Variants in ENAH observed in about 807,000 individuals in gnomAD.
The protein encoded by ENAH is protein enabled homolog.
A neutral mutation model predicts 78.7 loss-of-function variants in ENAH; 23 were observed. The observed-to-expected ratio is 0.29, with a 90% CI of 0.21 to 0.41. The LOEUF is 0.41. ENAH is among the 10% of genes least tolerant of loss of function. The probability of loss-of-function intolerance (pLI) is 1.00; values close to 1 mark genes in which losing one functional copy is unlikely to be tolerated. For synonymous variants in ENAH, 226 were observed against 241.0 expected (o/e 0.94, Z 0.58); for missense variants, 544 against 691.0 (o/e 0.79, Z 2.39).
At chr1:225,627,472 G>A (rs1392506741) in intron 1 of ENAH, among the ~76,000 whole-genome samples, 3 of 152,146 alleles carry the variant, frequency 2.0e-5, no homozygotes, top group Non-Finnish European at 2.9e-5. Flanking sequence ...AATGAGATAA[G>A]GAGAGAACCA....
rs1280015477 is a variant in ENAH at position 225,496,538 on chromosome 1, GTAA to G, written c.*1234_*1236del. 7.2e-5 allele frequency: 11 copies of G among 152,574 alleles called. No homozygotes were observed. Among genetic ancestry groups the G allele is most frequent in the Non-Finnish European group, 1.2e-4 (8 of 68,036 alleles). 9.5% of individuals were successfully genotyped at this position (152,574 alleles called of 1,614,324 possible). ...CCTGTGTAACAGCGGGGGTACCTAG[GTAA>G]TAATAACTGCCAAATTCAGTGATCA... On this transcript the variant is annotated 3_prime_UTR_variant, in exon 14 of 14. Coordinates refer to ENST00000366843, the MANE Select transcript of ENAH (RefSeq NM_018212.6).
chr1:225,610,286 CATT>C (rs1201334551), intron 1 of ENAH, among the ~76,000 whole-genome samples: 7 of 151,870 alleles, frequency 4.6e-5, no homozygotes, highest in African/African-American at 1.7e-4. Flanking sequence ...AATATGTACG[CATT>C]ATTTTGTAAT....
intron 1 of ENAH, among the ~76,000 whole-genome samples, chr1:225,598,383 GA>G (rs561942226): frequency 6.2e-5 from 9 of 145,844 alleles, no homozygotes; most frequent in East Asian, 4.0e-4. Flanking sequence ...CAGAGAGAGT[GA>G]AAAAAAAAGG....
chr1:225,552,134 C>CTTTT (rs397983036), intron 3 of ENAH, among the ~76,000 whole-genome samples: 53 of 115,920 alleles, frequency 4.6e-4, no homozygotes, highest in African/African-American at 6.5e-4. Context: ...ACTCCTGATT[C>CTTTT]TTTTTTTTTT....
chr1:225,620,543 C>T (rs928957228), intron 1 of ENAH, among the ~76,000 whole-genome samples: 1 of 151,586 alleles, frequency 6.6e-6, no homozygotes, highest in African/African-American at 2.4e-5. Flanking sequence ...ATGTCCCAGG[C>T]CTCTAATACA....
chr1:225,650,651 C>T (rs1042154119), intron 1 of ENAH, among the ~76,000 whole-genome samples: 10 of 151,818 alleles, frequency 6.6e-5, no homozygotes, highest in African/African-American at 2.4e-4. Context: ...GAGTTGGAGA[C>T]CATCCTGGCT....
chr1:225,583,872 G>A (rs1361696401), intron 1 of ENAH, among the ~76,000 whole-genome samples: 2 of 151,932 alleles, frequency 1.3e-5, no homozygotes, highest in African/African-American at 4.8e-5. Context: ...GTAAATGTAG[G>A]CCGGGCACAG....
chr1:225,551,873 A>C (rs1015129362), intron 3 of ENAH, among the ~76,000 whole-genome samples: 1 of 152,178 alleles, frequency 6.6e-6, no homozygotes, highest in African/African-American at 2.4e-5. Context: ...TACAGTTTGT[A>C]AAGGGAAGGG....
chr1:225,609,960 G>A (rs1003826049), intron 1 of ENAH, among the ~76,000 whole-genome samples: 3 of 151,740 alleles, frequency 2.0e-5, no homozygotes, highest in Non-Finnish European at 2.9e-5. Flanking sequence ...CACCGCGCCC[G>A]GCCTACTTTT....
chr1:225,505,189 T>G lies in ENAH; in HGVS notation c.1538+2762A>C. ...CTATTAACCTTAAAATAACCAATTT[T>G]TCCCCAATAAAAGATATTTTAAGAT... On this transcript the variant is annotated intron_variant, in intron 11 of 13. Transcript: ENST00000366843. 7.5e-6 allele frequency: 4 copies of G among 535,254 alleles called. No individual in the cohort carries two copies. The South Asian group carries it at 1.2e-4, about 16-fold the overall frequency. 33.2% of individuals were successfully genotyped at this position (535,254 alleles called of 1,614,324 possible).
chr1:225,496,502 G>A lies in ENAH; in HGVS notation c.*1273C>T, dbSNP rs1463378738. 2 of 152,422 alleles carry A rather than the reference G, an allele frequency of 1.3e-5. No homozygotes were observed. Among genetic ancestry groups the A allele is most frequent in the African/African-American group, 4.8e-5 (2 of 41,358 alleles). The allele number at this position is 152,422 out of a possible 1,614,324, so 9.4% of individuals were successfully genotyped here. A position where few individuals can be genotyped will look rare whatever the true frequency, so the allele number is the denominator to read the frequency against. Reference sequence around the variant, plus strand: ...CAAAAGCAGCTTCATTCAGGAACACGTATCTAAACACCTGTGTAACAGCGG... The same window carrying A: ...CAAAAGCAGCTTCATTCAGGAACACATATCTAAACACCTGTGTAACAGCGG... On this transcript the variant is annotated 3_prime_UTR_variant, in exon 14 of 14. Transcript: ENST00000366843.
At chr1:225,632,644 G>C (rs1329791255) in intron 1 of ENAH, among the ~76,000 whole-genome samples, 2 of 152,158 alleles carry the variant, frequency 1.3e-5, no homozygotes, top group Non-Finnish European at 2.9e-5. Flanking sequence ...GCTTTTAAAT[G>C]AATCTATACA....
Position 225,617,479 on chromosome 1 carries a change from A to C in ENAH, c.5+35207T>G, listed in dbSNP as rs1394686290. 2.0e-5 allele frequency among the ~76,000 whole-genome samples: 3 copies of C among 152,222 alleles called. No homozygotes were observed. The East Asian group carries it at 5.8e-4, about 29-fold the overall frequency. On this transcript the variant is annotated intron_variant, in intron 1 of 13. Transcript: ENST00000366843. The stretch of plus-strand genomic sequence containing the variant: ...TATCTGATACATAAAGGTCAGCATA[A>C]ACCCAAATTAAAAGCACCCATTGCA...
At chr1:225,647,430 T>C (rs1262407407) in intron 1 of ENAH, among the ~76,000 whole-genome samples, 2 of 152,192 alleles carry the variant, frequency 1.3e-5, no homozygotes, top group Admixed American at 6.5e-5. Context: ...CCAAAGGGCT[T>C]AGAATTTAGA....
rs749733798 is a variant in ENAH at position 225,512,685 on chromosome 1, A to G, written c.1394T>C (p.Ile465Thr). Residue 465 changes from isoleucine (I) to threonine (T), a missense_variant, in exon 9 of 14, where the codon ATA becomes ACA. By Grantham distance (89) the Ile-to-Thr change is moderately conservative. Transcript: ENST00000366843. ...TTTGTCCTCTTTTTGTTCTGTTTCT[A>G]TTGTTGATCCCTTTTCAGCAATTCT... ...RRRIAEKGST[I>T]ETEQKEDKGE... 33 of 1,613,464 alleles carry G rather than the reference A, an allele frequency of 2.0e-5. No homozygotes were observed. In the Admixed American group the frequency reaches 5.0e-4, roughly 24 times the overall value.
chr1:225,582,864 C>CA (rs1193352138), intron 1 of ENAH, among the ~76,000 whole-genome samples: 5 of 151,742 alleles, frequency 3.3e-5, no homozygotes, highest in African/African-American at 9.7e-5. Context: ...CCACTCTCCG[C>CA]AAAAAAGAGC....
intron 1 of ENAH, among the ~76,000 whole-genome samples, chr1:225,629,947 A>G (rs978799201): frequency 6.6e-6 from 1 of 152,220 alleles, no homozygotes; most frequent in African/African-American, 2.4e-5. Context: ...TCCTATTTAC[A>G]TTAAATGACC....
At chr1:225,545,206 G>A (rs2096607567) in intron 3 of ENAH, among the ~76,000 whole-genome samples, 2 of 152,158 alleles carry the variant, frequency 1.3e-5, no homozygotes, top group South Asian at 4.1e-4. Flanking sequence ...TGAAGAGACA[G>A]AAAATATGGA....
intron 4 of ENAH, among the ~76,000 whole-genome samples, chr1:225,526,449 C>T (rs760184029): frequency 7.9e-5 from 12 of 151,722 alleles, no homozygotes; most frequent in Non-Finnish European, 1.6e-4. Flanking sequence ...AGCGATTCTT[C>T]TGCCTCAGCC....
Sources: gnomAD v4.1 joint callset for allele counts (sites outside exome capture counted in the v4.1 genomes callset) on GRCh38, gnomAD v4.1.1 for gene constraint, MANE v1.5 for transcripts, NCBI Gene and HGNC (gene_info 2026-07-23, HGNC 2026-07-21) for gene names.